The following DOCK2 variants were observed in gnomAD, a reference collection of about 807,000 sequenced individuals.
DOCK2 encodes dedicator of cytokinesis protein 2.
Under a neutral mutation model 248.9 loss-of-function variants are expected in DOCK2, and 87 were observed. The ratio of observed to expected loss-of-function variants is 0.35; its 90% CI spans 0.29 to 0.42. DOCK2 has a LOEUF of 0.42. DOCK2 is among the 10% of genes least tolerant of loss of function. The probability of loss-of-function intolerance (pLI) is 1.00; values close to 1 mark genes in which losing one functional copy is unlikely to be tolerated. For synonymous variants in DOCK2, 805 were observed against 821.6 expected, an observed-to-expected ratio of 0.98 and a Z score of 0.35; for missense variants, 1,747 against 2,300.2, an observed-to-expected ratio of 0.76 and a Z score of 4.92.
intron 27 of DOCK2, among the ~76,000 whole-genome samples, chr5:169,971,604 A>G (rs1777512454): frequency 6.6e-6 from 1 of 152,140 alleles, no homozygotes; most frequent in South Asian, 2.1e-4. Context: ...CCAGAGTGTG[A>G]TGATTCTGCC....
chr5:169,800,390 G>A (rs1307459590), intron 25 of DOCK2, among the ~76,000 whole-genome samples: 1 of 152,166 alleles, frequency 6.6e-6, no homozygotes, highest in Non-Finnish European at 1.5e-5. Context: ...GTCACGGACT[G>A]TCTCAAATGC....
In DOCK2 at chr5:169,714,454, G is replaced by A. The variant is rs767973421; in HGVS notation, c.1938G>A (p.Val646=). The change falls in exon 19 of 52, where the codon GTG becomes GTA. Residue 646 remains valine (V), a synonymous_variant. Transcript: ENST00000520908. ...KLKIVDGEEV[V]KFLQDTLDAL... ...AGATTGTGGATGGAGAGGAAGTGGT[G>A]AAGGTCAGTGGGGCTTCATTTTGAT... is the stretch of plus-strand genomic sequence containing the variant. 3 of 1,613,854 alleles carry A rather than the reference G, an allele frequency of 1.9e-6. No individual in the cohort carries two copies. Among genetic ancestry groups the A allele is most frequent in the South Asian group, 1.1e-5 (1 of 91,078 alleles).
At chr5:170,080,126 TTGTGTG>T (rs138478687) in intron 49 of DOCK2, 31 bp from the exon 50 acceptor site, 89 of 1,512,046 alleles carry the variant, frequency 5.9e-5, no homozygotes, top group Admixed American at 5.3e-4. Flanking sequence ...GCCTCTGTCT[TTGTGTG>T]TGTGTGTGTG....
At chr5:169,917,991 G>A (rs575869028) in intron 27 of DOCK2, among the ~76,000 whole-genome samples, 43 of 152,276 alleles carry the variant, frequency 2.8e-4, no homozygotes, top group Non-Finnish European at 4.1e-4. Context: ...GTGTGTTCTC[G>A]TTACAGAATT....
At chr5:169,796,241 T>C (rs544954520) in intron 25 of DOCK2, among the ~76,000 whole-genome samples, 14 of 152,336 alleles carry the variant, frequency 9.2e-5, no homozygotes, top group Middle Eastern at 3.4e-3. Flanking sequence ...AAATCTGTAT[T>C]CTGATGGTGG....
chr5:169,697,838 T>G (rs909017587), intron 10 of DOCK2, among the ~76,000 whole-genome samples: 1 of 152,208 alleles, frequency 6.6e-6, no homozygotes, highest in African/African-American at 2.4e-5. Context: ...ACCTTGGTTT[T>G]GGGACCTTTA....
At chr5:169,790,510 A>G (rs1391773214) in intron 25 of DOCK2, among the ~76,000 whole-genome samples, 1 of 152,236 alleles carries the variant, frequency 6.6e-6, no homozygotes, top group Non-Finnish European at 1.5e-5. Flanking sequence ...TTGGAACTCA[A>G]TTCTCTGAGT....
intron 27 of DOCK2, among the ~76,000 whole-genome samples, chr5:169,867,595 T>C (rs1046779978): frequency 6.6e-6 from 1 of 150,824 alleles, no homozygotes; most frequent in Non-Finnish European, 1.5e-5. Context: ...TCTATCGTTA[T>C]CTATCCATCT....
chr5:170,062,319 G>T (rs1757361975), intron 44 of DOCK2, among the ~76,000 whole-genome samples: 1 of 151,908 alleles, frequency 6.6e-6, no homozygotes. Context: ...GAAGCTCCTG[G>T]GTCTCCCTCC....
chr5:169,818,869 G>C (rs964185554), intron 26 of DOCK2, among the ~76,000 whole-genome samples: 3 of 152,084 alleles, frequency 2.0e-5, no homozygotes, highest in African/African-American at 7.2e-5. Flanking sequence ...CAATGTTCTG[G>C]GGGGCAGAGT....
intron 27 of DOCK2, among the ~76,000 whole-genome samples, chr5:169,871,422 A>G (rs1771962823): frequency 1.3e-5 from 2 of 152,250 alleles, no homozygotes. Flanking sequence ...CATTTATGGA[A>G]TGAAATCTAT....
chr5:169,829,675 T>TA (rs1769102140), intron 26 of DOCK2, among the ~76,000 whole-genome samples: 1 of 152,226 alleles, frequency 6.6e-6, no homozygotes, highest in Non-Finnish European at 1.5e-5. Context: ...ATTGAAATAA[T>TA]TGCTTAAGTA....
chr5:170,071,107 G>A (rs1466907336), intron 46 of DOCK2, among the ~76,000 whole-genome samples: 1 of 152,110 alleles, frequency 6.6e-6, no homozygotes, highest in East Asian at 1.9e-4. Context: ...CAGCGCCCAG[G>A]CACCCTAACT....
chr5:169,643,065 G>A (rs1757238143), intron 1 of DOCK2, among the ~76,000 whole-genome samples: 1 of 152,212 alleles, frequency 6.6e-6, no homozygotes, highest in Non-Finnish European at 1.5e-5. Context: ...TCTGGGCGGA[G>A]ACACCACAAA....
chr5:169,995,978 C>T (rs1754612367), intron 29 of DOCK2, 108 bp from the exon 30 acceptor site: 1 of 1,191,466 alleles, frequency 8.4e-7, no homozygotes, highest in African/African-American at 1.5e-5. Flanking sequence ...GTAATTTGGC[C>T]TTTGAGCCTC....
At chr5:169,849,363 G>A (rs1392690084) in intron 27 of DOCK2, among the ~76,000 whole-genome samples, 3 of 152,192 alleles carry the variant, frequency 2.0e-5, no homozygotes, top group East Asian at 1.9e-4. Context: ...TCTGAACCCA[G>A]GGAGTACTGT....
At chr5:169,803,020 G>T (rs1581211384) in intron 25 of DOCK2, 38 bp from the exon 26 acceptor site, 1 of 1,594,878 alleles carries the variant, frequency 6.3e-7, no homozygotes, top group South Asian at 1.2e-5. Flanking sequence ...ACTAAAAAAT[G>T]AGGAATTCTA....
intron 27 of DOCK2, among the ~76,000 whole-genome samples, chr5:169,893,312 C>T (rs924447832): frequency 4.6e-5 from 7 of 152,182 alleles, no homozygotes; most frequent in African/African-American, 1.7e-4. Flanking sequence ...GCCTTTACTA[C>T]CACCAGATGC....
At chr5:169,652,782 C>G (rs556825589) in intron 1 of DOCK2, among the ~76,000 whole-genome samples, 24 of 152,158 alleles carry the variant, frequency 1.6e-4, no homozygotes, top group Non-Finnish European at 2.9e-4. Flanking sequence ...TGGGAAGAGG[C>G]AGAGATGAAT....
Sources: gnomAD v4.1 joint callset for allele counts (sites outside exome capture counted in the v4.1 genomes callset) on GRCh38, gnomAD v4.1.1 for gene constraint, MANE v1.5 for transcripts, NCBI Gene and HGNC (gene_info 2026-07-23, HGNC 2026-07-21) for gene names.